The following SNX5 variants were observed in gnomAD, a reference collection of about 807,000 sequenced individuals.
SNX5 encodes sorting nexin-5.
SNX5 carries 31 observed loss-of-function variants against 53.9 expected under a neutral mutation model. The observed-to-expected ratio is 0.58, with a 90% CI of 0.43 to 0.78. The LOEUF is 0.78. Among genes scored for constraint, SNX5 ranks in the 30% least tolerant of loss-of-function variants. The probability of loss-of-function intolerance (pLI) is 0.00; values close to 1 mark genes in which losing one functional copy is unlikely to be tolerated. For synonymous variants in SNX5, 168 were observed against 171.1 expected, an observed-to-expected ratio of 0.98 and a Z score of 0.14; for missense variants, 471 against 478.8, an observed-to-expected ratio of 0.98 and a Z score of 0.15.
Position 17,954,133 on chromosome 20 carries a change from GAA to G in SNX5, c.268-18_268-17del, listed in dbSNP as rs2035313266. On this transcript the variant is annotated splice_polypyrimidine_tract_variant and intron_variant, in intron 3 of 12. Transcript: ENST00000377759. ...CAGGTGGAATCTGCAGCAGAGGCAG[GAA>G]CTCATGAGCCTCTTGTCCCAGCAGC... is the stretch of plus-strand genomic sequence containing the variant. The G allele has an allele frequency of 6.2e-7, 1 of 1,612,586 alleles. No individual in the cohort carries two copies. Among genetic ancestry groups the G allele is most frequent in the Non-Finnish European group, 8.5e-7 (1 of 1,179,288 alleles).
intron 6 of SNX5, chr20:17,951,279 C>T (rs1030680810): frequency 2.0e-5 from 10 of 497,620 alleles, no homozygotes; most frequent in Admixed American, 3.4e-5. Flanking sequence ...AAAATGAAGC[C>T]AAGTGTGGAA....
At chr20:17,948,068 C>T (rs1044856930) in intron 10 of SNX5, among the ~76,000 whole-genome samples, 1 of 152,206 alleles carries the variant, frequency 6.6e-6, no homozygotes, top group Non-Finnish European at 1.5e-5. Flanking sequence ...TTCTGGTAAT[C>T]TACCTTGGAG....
rs2039522774 is a variant in SNX5 at position 17,948,821 on chromosome 20, A to G, written c.918+69T>C. 4.8e-6 allele frequency: 6 copies of G among 1,248,584 alleles called. No individual in the cohort carries two copies. The African/African-American group carries it at 6.0e-5, about 12-fold the overall frequency. 77.3% of individuals were successfully genotyped at this position (1,248,584 alleles called of 1,614,324 possible). ...ATAAATTCTTATTCTGCTCCTTTGT[A>G]TAAAGAAACTTTTTAAACAGACTTC... On this transcript the variant is annotated intron_variant, in intron 10 of 12. Transcript: ENST00000377759.
intron 11 of SNX5, chr20:17,943,432 G>T (rs2039444503): frequency 2.1e-6 from 1 of 473,864 alleles, no homozygotes; most frequent in Non-Finnish European, 3.8e-6. Flanking sequence ...CATCGTGAGT[G>T]GGAGAGCAGC....
intron 1 of SNX5, among the ~76,000 whole-genome samples, chr20:17,960,415 GA>G (rs1316898657): frequency 6.6e-6 from 1 of 152,186 alleles, no homozygotes; most frequent in Non-Finnish European, 1.5e-5. Context: ...CCAACACGGT[GA>G]AACCCCGTCT....
At chr20:17,963,027 G>A (rs2035483791) in intron 1 of SNX5, 1 of 383,106 alleles carries the variant, frequency 2.6e-6, no homozygotes, top group Non-Finnish European at 5.2e-6. Context: ...TGCATGTCAA[G>A]AAATCCATCT....
chr20:17,962,678 C>A, intron 1 of SNX5: 1 of 512,198 alleles, frequency 2.0e-6, no homozygotes. Flanking sequence ...ACTCAGGCAT[C>A]GGCTTAATAA....
At chr20:17,953,479 T>C (rs888739851) in intron 4 of SNX5, among the ~76,000 whole-genome samples, 8 of 152,230 alleles carry the variant, frequency 5.3e-5, no homozygotes, top group African/African-American at 1.9e-4. Flanking sequence ...AGAATGCTAC[T>C]CTATAACAGC....
At chr20:17,943,875 G>A (rs1389976048) in intron 11 of SNX5, 1 of 152,200 alleles carries the variant, frequency 6.6e-6, no homozygotes, top group Non-Finnish European at 1.5e-5. Flanking sequence ...ACTGAAATCA[G>A]TATCTCAATG....
intron 5 of SNX5, 52 bp downstream of exon 5, chr20:17,952,535 G>A: frequency 6.4e-7 from 1 of 1,552,984 alleles, no homozygotes; most frequent in Non-Finnish European, 8.8e-7. Flanking sequence ...AGTACATTTT[G>A]AAAGTATAAA....
chr20:17,951,228 T>G, intron 6 of SNX5: 1 of 379,246 alleles, frequency 2.6e-6, no homozygotes, highest in South Asian at 3.3e-5. Flanking sequence ...TACTTTATTT[T>G]AGAAATTAAC....
intron 11 of SNX5, among the ~76,000 whole-genome samples, chr20:17,946,910 A>G (rs2039494596): frequency 6.6e-6 from 1 of 152,230 alleles, no homozygotes. Flanking sequence ...TGACACCCCA[A>G]TAAGGGCATA....
At position 17,956,673 on chromosome 20, in the gene SNX5, C is replaced by CAAAAAAAAAAAAA. The variant is rs59252584; in HGVS notation, c.156+247_156+259dup. Among the ~76,000 whole-genome samples the CAAAAAAAAAAAAA allele has an allele frequency of 1.3e-3, 111 of 84,868 alleles. 1 individual carries two copies. The highest frequency in any genetic ancestry group is 1.6e-3 in the Non-Finnish European group (75 of 45,560). 55.7% of individuals were successfully genotyped at this position (84,868 alleles called of 152,430 possible). On this transcript the variant is annotated intron_variant, in intron 2 of 12. Coordinates refer to ENST00000377759, the MANE Select transcript of SNX5 (RefSeq NM_014426.4). ...CTGGGCAACACAATGAGACTGTCTC[C>CAAAAAAAAAAAAA]AAAAAAAAAAAAAAAAAAAAAAAAA...
intron 8 of SNX5, among the ~76,000 whole-genome samples, 190 bp downstream of exon 8, chr20:17,949,942 C>G (rs139147364): frequency 3.3e-5 from 5 of 152,258 alleles, no homozygotes; most frequent in African/African-American, 1.2e-4. Context: ...TAGAAGAGCC[C>G]AAGTCCCCTA....
At chr20:17,964,698 ACT>A (rs1293605312) in intron 1 of SNX5, among the ~76,000 whole-genome samples, 3 of 152,182 alleles carry the variant, frequency 2.0e-5, no homozygotes, top group Non-Finnish European at 2.9e-5. Flanking sequence ...TTCACTACAC[ACT>A]GTTGTGACCA....
chr20:17,960,130 T>C (rs772394694), intron 1 of SNX5, among the ~76,000 whole-genome samples: 5 of 152,188 alleles, frequency 3.3e-5, no homozygotes, highest in East Asian at 3.8e-4. Context: ...AAGAATCAAA[T>C]TGAAAATATA....
Position 17,941,796 on chromosome 20 carries a change from T to C in SNX5, c.*561A>G, listed in dbSNP as rs973208165. On this transcript the variant is annotated 3_prime_UTR_variant, in exon 13 of 13. Coordinates refer to ENST00000377759, the MANE Select transcript of SNX5 (RefSeq NM_014426.4). ...GTAGATATTTCTCTCCCCTCAAATATTTATATCTCGACTAAAAAAAGGAGG... is the reference window on the plus strand; with the variant it reads ...GTAGATATTTCTCTCCCCTCAAATACTTATATCTCGACTAAAAAAAGGAGG... The C allele has an allele frequency of 2.0e-5, 3 of 152,548 alleles. No individual in the cohort carries two copies. Among genetic ancestry groups the C allele is most frequent in the African/African-American group, 7.2e-5 (3 of 41,432 alleles). The allele number at this position is 152,548 out of a possible 1,614,324, so 9.4% of individuals were successfully genotyped here. A position where few individuals can be genotyped will look rare whatever the true frequency, so the allele number is the denominator to read the frequency against.
intron 10 of SNX5, among the ~76,000 whole-genome samples, chr20:17,948,294 A>T (rs1161461108): frequency 6.6e-6 from 1 of 152,272 alleles, no homozygotes; most frequent in Non-Finnish European, 1.5e-5. Context: ...GGCTATTAAA[A>T]AAGTATGTTT....
chr20:17,943,855 T>G (rs1455967193), intron 11 of SNX5: 1 of 152,258 alleles, frequency 6.6e-6, no homozygotes, highest in African/African-American at 2.4e-5. Flanking sequence ...CTTCTGGGAA[T>G]ATAAAAGGAA....
Sources: allele counts gnomAD v4.1 joint callset (sites outside exome capture counted in the v4.1 genomes callset), GRCh38; gene constraint gnomAD v4.1.1; transcripts MANE v1.5; gene names NCBI Gene and HGNC (gene_info 2026-07-23, HGNC 2026-07-21).